RASGRP1: variants seen among roughly 807,000 people sequenced by gnomAD.
RASGRP1 encodes the protein RAS guanyl-releasing protein 1.
In RASGRP1, 37 loss-of-function variants were observed where a neutral mutation model predicts 95.1. The ratio of observed to expected loss-of-function variants is 0.39; its 90% CI spans 0.30 to 0.51. RASGRP1 has a LOEUF of 0.51. RASGRP1 is among the 20% of genes least tolerant of loss of function. The pLI is 0.80. For synonymous variants in RASGRP1, 325 were observed against 353.4 expected (o/e 0.92, Z 0.90); for missense variants, 711 against 965.4 (o/e 0.74, Z 3.49).
At chr15:38,511,786 G>T (rs1481093948) in intron 7 of RASGRP1, 66 bp from the exon 8 acceptor site, 2 of 1,232,608 alleles carry the variant, frequency 1.6e-6, no homozygotes, top group African/African-American at 1.5e-5. Context: ...GAGCTTAGAG[G>T]CTGCCTCTTG....
At chr15:38,527,268 T>C (rs900667232) in intron 2 of RASGRP1, among the ~76,000 whole-genome samples, 2 of 152,216 alleles carry the variant, frequency 1.3e-5, no homozygotes, top group Non-Finnish European at 2.9e-5. Context: ...GGTTTAGCCA[T>C]TGGGAAGCAC....
Position 38,526,355 on chromosome 15 carries a change from C to T in RASGRP1, c.270G>A (p.Leu90=). The T allele has an allele frequency of 6.2e-7, 1 of 1,613,242 alleles. No individual in the cohort carries two copies. ...AGGAGATGACAATTCGGTGCATGGT[C>T]AGCATGACTTGCAACAGTTGGTTAC... is the stretch of plus-strand genomic sequence containing the variant. ...CRSNQLLQVM[L]TMHRIVISSA... The change falls in exon 3 of 17, where the codon CTG becomes CTA. Residue 90 remains leucine (L), a synonymous_variant. Transcript: ENST00000310803.
chr15:38,521,780 A>G (rs62008293), intron 3 of RASGRP1, among the ~76,000 whole-genome samples: 1,710 of 152,236 alleles, frequency 0.011, 21 homozygotes, highest in Non-Finnish European at 0.019. Flanking sequence ...TTCAAAGCAC[A>G]TTTTCAAATT....
rs1566928735 is a variant in RASGRP1 at position 38,532,138 on chromosome 15, AT to A, written c.221-5735del. Among the ~76,000 whole-genome samples, 7 of 152,316 alleles carry A rather than the reference AT, an allele frequency of 4.6e-5. No individual in the cohort carries two copies. In the South Asian group the frequency reaches 1.4e-3, roughly 32 times the overall value. ...ATTTTGAGATAATTGCTGCAAGCTGATTTAAATATTTCAAAGAATAATTCCA... is the reference window on the plus strand; with the variant it reads ...ATTTTGAGATAATTGCTGCAAGCTGATTAAATATTTCAAAGAATAATTCCA... On this transcript the variant is annotated intron_variant, in intron 2 of 16. Transcript: ENST00000310803.
chr15:38,561,282 C>T (rs1318480996), intron 1 of RASGRP1, among the ~76,000 whole-genome samples: 1 of 152,142 alleles, frequency 6.6e-6, no homozygotes, highest in East Asian at 1.9e-4. Context: ...ACTTTATATA[C>T]TCATTACATA....
chr15:38,544,265 A>G (rs909445666), intron 2 of RASGRP1, among the ~76,000 whole-genome samples: 1 of 152,158 alleles, frequency 6.6e-6, no homozygotes, highest in African/African-American at 2.4e-5. Context: ...CCCAGGAACT[A>G]TTAGGGGTCG....
At chr15:38,501,863 T>G (rs190206670) in intron 12 of RASGRP1, among the ~76,000 whole-genome samples, 83 of 151,886 alleles carry the variant, frequency 5.5e-4, no homozygotes, top group African/African-American at 1.9e-3. Context: ...TTTTGTTTTT[T>G]TTTTTTTTGA....
intron 1 of RASGRP1, 146 bp downstream of exon 1, chr15:38,564,448 C>T (rs1893948641): frequency 2.8e-6 from 2 of 706,890 alleles, no homozygotes; most frequent in Non-Finnish European, 1.9e-6. Flanking sequence ...GACACGTCCG[C>T]CCGTCGCGCT....
intron 6 of RASGRP1, among the ~76,000 whole-genome samples, chr15:38,513,798 G>T (rs1308689412): frequency 6.6e-6 from 1 of 152,200 alleles, no homozygotes; most frequent in South Asian, 2.1e-4. Context: ...AGTCTTTGGT[G>T]CTTTTCCCCA....
At chr15:38,503,111 T>C in intron 11 of RASGRP1, 161 bp downstream of exon 11, 1 of 628,802 alleles carries the variant, frequency 1.6e-6, no homozygotes, top group Non-Finnish European at 2.8e-6. Context: ...GTTGTCAAAA[T>C]GTAACTTTTG....
In RASGRP1 at chr15:38,494,479, T is replaced by C; in HGVS notation, c.2162A>G (p.Lys721Arg). 6.2e-7 allele frequency: 1 copy of C among 1,610,190 alleles called. No homozygotes were observed. Among genetic ancestry groups the C allele is most frequent in the Non-Finnish European group, 8.5e-7 (1 of 1,178,218 alleles). Residue 721 changes from lysine to arginine, a missense_variant, in exon 16 of 17, where the codon AAG (lysine) becomes AGG (arginine). By Grantham distance (26) the Lys-to-Arg change is conservative. Coordinates refer to ENST00000310803, the MANE Select transcript of RASGRP1 (RefSeq NM_005739.4). ...ATTCTCCCACTTGACAAAAGCCCGC[T>C]TTCTGACCAAGACTGGGCTAGGACA... is the stretch of plus-strand genomic sequence containing the variant. ...SPCPSPVLVR[K>R]RAFVKWENKD...
At position 38,489,039 on chromosome 15, in the gene RASGRP1, C is replaced by G. The variant is rs1378715304; in HGVS notation, c.*1515G>C. Reference sequence around the variant, plus strand: ...ACTGATCTTTCATCAAAGAGAATTCCTAAATGATCTGAATCCTCCAGGTAA... The same window carrying G: ...ACTGATCTTTCATCAAAGAGAATTCGTAAATGATCTGAATCCTCCAGGTAA... On this transcript the variant is annotated 3_prime_UTR_variant, in exon 17 of 17. Coordinates refer to ENST00000310803, the MANE Select transcript of RASGRP1 (RefSeq NM_005739.4). 6.6e-6 allele frequency: 1 copy of G among 152,046 alleles called. No individual in the cohort carries two copies. The highest frequency in any genetic ancestry group is 2.1e-4 in the South Asian group (1 of 4,828). 9.4% of individuals were successfully genotyped at this position (152,046 alleles called of 1,614,324 possible).
chr15:38,493,301 C>G (rs1890669274), intron 16 of RASGRP1, among the ~76,000 whole-genome samples: 3 of 151,346 alleles, frequency 2.0e-5, no homozygotes. Flanking sequence ...CCTCAGCCTC[C>G]TGAGTAGCTG....
intron 2 of RASGRP1, among the ~76,000 whole-genome samples, chr15:38,536,823 C>T (rs760991579): frequency 6.6e-5 from 10 of 152,206 alleles, no homozygotes; most frequent in Non-Finnish European, 1.2e-4. Flanking sequence ...TACAAAAAAA[C>T]ATCACATCAC....
At chr15:38,554,625 C>T (rs1319904385) in intron 2 of RASGRP1, among the ~76,000 whole-genome samples, 1 of 152,166 alleles carries the variant, frequency 6.6e-6, no homozygotes, top group Non-Finnish European at 1.5e-5. Context: ...GAAGGCAGAC[C>T]AGCGTGGAGA....
chr15:38,529,226 AC>A (rs1254974323), intron 2 of RASGRP1, among the ~76,000 whole-genome samples: 4 of 152,092 alleles, frequency 2.6e-5, no homozygotes, highest in African/African-American at 9.7e-5. Context: ...AACTCCTAAA[AC>A]CTATAAATCA....
At chr15:38,541,187 C>T (rs1162291040) in intron 2 of RASGRP1, among the ~76,000 whole-genome samples, 1 of 152,200 alleles carries the variant, frequency 6.6e-6, no homozygotes, top group Non-Finnish European at 1.5e-5. Flanking sequence ...TCACAACAAC[C>T]TTTTGAGGTG....
chr15:38,524,726 A>T (rs1241447458), intron 3 of RASGRP1, among the ~76,000 whole-genome samples: 3 of 152,154 alleles, frequency 2.0e-5, no homozygotes, highest in Non-Finnish European at 2.9e-5. Context: ...AACCCTAACA[A>T]TGGAATGAAG....
chr15:38,527,788 A>G (rs1892282268), intron 2 of RASGRP1, among the ~76,000 whole-genome samples: 1 of 152,076 alleles, frequency 6.6e-6, no homozygotes, highest in Non-Finnish European at 1.5e-5. Context: ...ATCTAAAGTC[A>G]TATCTCATTG....
Sources: allele counts gnomAD v4.1 joint callset (sites outside exome capture counted in the v4.1 genomes callset), GRCh38; gene constraint gnomAD v4.1.1; transcripts MANE v1.5; gene names NCBI Gene and HGNC (gene_info 2026-07-23, HGNC 2026-07-21).